Variants in TMLHE observed in about 807,000 individuals in gnomAD.
The protein encoded by TMLHE is trimethyllysine hydroxylase, epsilon, also known as trimethyllysine dioxygenase, mitochondrial.
Under a neutral mutation model 25.7 loss-of-function variants are expected in TMLHE, and 18 were observed. The observed-to-expected ratio is 0.70, with a 90% CI of 0.48 to 1.04. TMLHE has a LOEUF of 1.04. Among genes scored for constraint, TMLHE ranks in the 50% least tolerant of loss-of-function variants. The probability of loss-of-function intolerance (pLI) is 0.00; values close to 1 mark genes in which losing one functional copy is unlikely to be tolerated. For missense variants in TMLHE, 236 were observed against 259.0 expected (o/e 0.91, Z 0.61); for synonymous variants, 105 against 97.0 (o/e 1.08, Z -0.49).
intron 1 of TMLHE, among the ~76,000 whole-genome samples, chrX:155,551,109 AT>A (rs1557339980): frequency 9.0e-6 from 1 of 110,581 alleles, no homozygotes; most frequent in Non-Finnish European, 1.9e-5. Flanking sequence ...CAAAATAAAT[AT>A]TTTTAATATT....
intron 2 of TMLHE, among the ~76,000 whole-genome samples, chrX:155,539,922 T>C (rs2067301011): frequency 9.1e-6 from 1 of 109,972 alleles, no homozygotes; most frequent in African/African-American, 3.3e-5. Flanking sequence ...CTGGAGGGAT[T>C]CGATAGCAGA....
chrX:155,574,662 G>A (rs2067578971), intron 1 of TMLHE, among the ~76,000 whole-genome samples: 2 of 111,717 alleles, frequency 1.8e-5, no homozygotes, highest in Non-Finnish European at 3.8e-5. Flanking sequence ...GACAAAAAAT[G>A]TACTCAAAGA....
In TMLHE at chrX:155,570,766, TAAAG is replaced by T. The variant is rs1272132616; in HGVS notation, c.-1-25493_-1-25490del. On this transcript the variant is annotated intron_variant, in intron 1 of 7. Transcript: ENST00000334398. ...GTACATAACGAAATGAAGGCAGAAATAAAGATATTCTTTGAAACCAATGAGAACA... is the reference window on the plus strand; with the variant it reads ...GTACATAACGAAATGAAGGCAGAAATATATTCTTTGAAACCAATGAGAACA... 5.3e-5 allele frequency among the ~76,000 whole-genome samples: 3 copies of T among 57,089 alleles called. 1 individual carries two copies. Among genetic ancestry groups the T allele is most frequent in the African/African-American group, 1.3e-4 (3 of 23,764 alleles). 49.6% of individuals were successfully genotyped at this position (57,089 alleles called of 115,157 possible). A position where few individuals can be genotyped will look rare whatever the true frequency, so the allele number is the denominator to read the frequency against.
intron 1 of TMLHE, among the ~76,000 whole-genome samples, chrX:155,565,520 A>G (rs1413548216): frequency 1.6e-5 from 1 of 61,934 alleles, no homozygotes; most frequent in African/African-American, 3.6e-5. Context: ...TAGGGGCTGC[A>G]GAGGCACACT....
chrX:155,589,293 C>T (rs2067682355), intron 1 of TMLHE, among the ~76,000 whole-genome samples: 1 of 110,513 alleles, frequency 9.0e-6, no homozygotes, highest in South Asian at 3.9e-4. Context: ...ACTAAAAATA[C>T]AAAAATTAGC....
At chrX:155,582,168 T>G (rs1557344628) in intron 1 of TMLHE, among the ~76,000 whole-genome samples, 1 of 112,030 alleles carries the variant, frequency 8.9e-6, no homozygotes, top group Non-Finnish European at 1.9e-5. Context: ...TATACAAAAA[T>G]TAATTCAAGA....
chrX:155,556,362 G>C (rs1314588653), intron 1 of TMLHE, among the ~76,000 whole-genome samples: 1 of 111,004 alleles, frequency 9.0e-6, no homozygotes, highest in African/African-American at 3.3e-5. Flanking sequence ...TAATCACGTG[G>C]GTTCTTTTCT....
intron 1 of TMLHE, among the ~76,000 whole-genome samples, chrX:155,559,267 G>A (rs1557341324): frequency 9.0e-6 from 1 of 110,780 alleles, no homozygotes; most frequent in Non-Finnish European, 1.9e-5. Flanking sequence ...ACAAGCCTGA[G>A]GTAATTTTGG....
chrX:155,511,509 A>C (rs781920347), intron 5 of TMLHE, among the ~76,000 whole-genome samples, 164 bp downstream of exon 5: 1 of 110,376 alleles, frequency 9.1e-6, no homozygotes, highest in South Asian at 3.9e-4. Flanking sequence ...CTAAAAACTG[A>C]GTTAAGGTAT....
Position 155,548,531 on chromosome X carries a change from T to TC in TMLHE, c.-1-3255_-1-3254insG, listed in dbSNP as rs1569562089. 4.6e-4 allele frequency among the ~76,000 whole-genome samples: 50 copies of TC among 107,809 alleles called. 3 individuals are homozygous for TC. Among genetic ancestry groups the TC allele is most frequent in the African/African-American group, 6.4e-4 (18 of 27,988 alleles). 93.6% of individuals were successfully genotyped at this position (107,809 alleles called of 115,157 possible). A position where few individuals can be genotyped will look rare whatever the true frequency, so the allele number is the denominator to read the frequency against. Reference sequence around the variant, plus strand: ...CGGGCGGATCACAAGGTCAGCAGTATGAGGCCAGCCTGACTAACATGGTGA... The same window carrying TC: ...CGGGCGGATCACAAGGTCAGCAGTATCGAGGCCAGCCTGACTAACATGGTGA... On this transcript the variant is annotated intron_variant, in intron 1 of 7. Transcript: ENST00000334398.
At chrX:155,544,116 C>T (rs1557338459) in intron 2 of TMLHE, among the ~76,000 whole-genome samples, 1 of 111,466 alleles carries the variant, frequency 9.0e-6, no homozygotes, top group Non-Finnish European at 1.9e-5. Flanking sequence ...GATTCTCAGT[C>T]TTTGGAGTGC....
chrX:155,591,361 C>T (rs1569562247), intron 1 of TMLHE, among the ~76,000 whole-genome samples: 1 of 111,843 alleles, frequency 8.9e-6, no homozygotes, highest in Non-Finnish European at 1.9e-5. Context: ...TAGAACACTT[C>T]ACTCCAAAAC....
chrX:155,505,790 C>T (rs782456043), intron 6 of TMLHE, among the ~76,000 whole-genome samples: 1 of 111,494 alleles, frequency 9.0e-6, no homozygotes, highest in South Asian at 3.7e-4. Context: ...GTCTATTGTG[C>T]CTACAGTTTC....
At chrX:155,547,964 C>G (rs782032925) in intron 1 of TMLHE, among the ~76,000 whole-genome samples, 2 of 111,154 alleles carry the variant, frequency 1.8e-5, no homozygotes, top group Non-Finnish European at 3.8e-5. Flanking sequence ...AGTCTCTCCT[C>G]CCCCATTTCC....
rs2067558112 is a variant in TMLHE at position 155,572,101 on chromosome X, A to C, written c.-1-26824T>G. Reference sequence around the variant, plus strand: ...CTAGAAAACCCCATTGTCTCAGCCCAAAATCTCCTTAAGCTGATAAGCAAC... The same window carrying C: ...CTAGAAAACCCCATTGTCTCAGCCCCAAATCTCCTTAAGCTGATAAGCAAC... On this transcript the variant is annotated intron_variant, in intron 1 of 7. Coordinates refer to ENST00000334398, the MANE Select transcript of TMLHE (RefSeq NM_018196.4). Among the ~76,000 whole-genome samples, 4 of 54,861 alleles carry C rather than the reference A, an allele frequency of 7.3e-5. 1 individual carries two copies. Among genetic ancestry groups the C allele is most frequent in the Non-Finnish European group, 1.9e-4 (4 of 21,350 alleles). 47.6% of individuals were successfully genotyped at this position (54,861 alleles called of 115,157 possible). A position where few individuals can be genotyped will look rare whatever the true frequency, so the allele number is the denominator to read the frequency against.
chrX:155,538,528 C>T (rs1314934313), intron 2 of TMLHE, among the ~76,000 whole-genome samples: 1 of 111,389 alleles, frequency 9.0e-6, no homozygotes, highest in Non-Finnish European at 1.9e-5. Flanking sequence ...AAGACTGTGT[C>T]ATACCATCTC....
intron 5 of TMLHE, among the ~76,000 whole-genome samples, chrX:155,510,827 T>C (rs1299331041): frequency 4.7e-5 from 5 of 106,246 alleles, no homozygotes; most frequent in Admixed American, 1.0e-4. Context: ...ATCGCCACAC[T>C]GACTTCCACA....
At chrX:155,535,391 T>C (rs1443914812) in intron 2 of TMLHE, among the ~76,000 whole-genome samples, 1 of 112,221 alleles carries the variant, frequency 8.9e-6, no homozygotes, top group African/African-American at 3.2e-5. Flanking sequence ...CTCTTCTTGC[T>C]GTGCAGATGG....
chrX:155,508,111 G>A (rs2067086545), intron 5 of TMLHE, among the ~76,000 whole-genome samples: 1 of 110,933 alleles, frequency 9.0e-6, no homozygotes. Context: ...ATGAGAGGTT[G>A]AGGAAGGAGT....
Sources: allele counts gnomAD v4.1 joint callset (sites outside exome capture counted in the v4.1 genomes callset), GRCh38; gene constraint gnomAD v4.1.1; transcripts MANE v1.5; gene names NCBI Gene and HGNC (gene_info 2026-07-23, HGNC 2026-07-21).